Variants in DCC observed in about 807,000 individuals in gnomAD.
DCC encodes the protein DCC netrin 1 receptor, also known as netrin receptor DCC.
Under a neutral mutation model 172.5 loss-of-function variants are expected in DCC, and 58 were observed. The ratio of observed to expected loss-of-function variants is 0.34; its 90% CI spans 0.27 to 0.42. The LOEUF is 0.42. Among genes scored for constraint, DCC ranks in the 10% least tolerant of loss-of-function variants. The probability of loss-of-function intolerance (pLI) is 1.00; values close to 1 mark genes in which losing one functional copy is unlikely to be tolerated. For missense variants in DCC, 1,740 were observed against 1,791.0 expected, an observed-to-expected ratio of 0.97 and a Z score of 0.51; for synonymous variants, 709 against 644.5, an observed-to-expected ratio of 1.10 and a Z score of -1.52.
intron 8 of DCC, among the ~76,000 whole-genome samples, chr18:53,159,367 A>G (rs1358396360): frequency 1.3e-5 from 2 of 152,168 alleles, no homozygotes; most frequent in Non-Finnish European, 2.9e-5. Flanking sequence ...GCCTCCCAAC[A>G]CTACCATTCC....
At chr18:53,316,698 G>C (rs2057347868) in intron 13 of DCC, among the ~76,000 whole-genome samples, 1 of 152,006 alleles carries the variant, frequency 6.6e-6, no homozygotes, top group African/African-American at 2.4e-5. Flanking sequence ...GTATTCCTAG[G>C]TATTTTATTC....
intron 1 of DCC, among the ~76,000 whole-genome samples, chr18:52,721,716 C>T (rs2036476157): frequency 6.6e-6 from 1 of 152,074 alleles, no homozygotes; most frequent in South Asian, 2.1e-4. Context: ...AGAGGTACCC[C>T]AAATCACTTT....
At chr18:52,457,371 A>G (rs1387112329) in intron 1 of DCC, among the ~76,000 whole-genome samples, 1 of 152,186 alleles carries the variant, frequency 6.6e-6, no homozygotes, top group Non-Finnish European at 1.5e-5. Flanking sequence ...GTGCACAGAA[A>G]ATATCTTTAT....
At chr18:52,565,611 A>G (rs1199044114) in intron 1 of DCC, among the ~76,000 whole-genome samples, 1 of 152,056 alleles carries the variant, frequency 6.6e-6, no homozygotes, top group Non-Finnish European at 1.5e-5. Flanking sequence ...GCTCTTTTTC[A>G]TATGTTTGTT....
intron 5 of DCC, among the ~76,000 whole-genome samples, chr18:52,957,906 T>A (rs1416392199): frequency 6.6e-6 from 1 of 152,162 alleles, no homozygotes; most frequent in Non-Finnish European, 1.5e-5. Flanking sequence ...AAGGAAGTAA[T>A]ATGTTCAGAT....
intron 8 of DCC, among the ~76,000 whole-genome samples, chr18:53,166,401 A>T (rs537247399): frequency 6.6e-6 from 1 of 152,178 alleles, no homozygotes; most frequent in Non-Finnish European, 1.5e-5. Flanking sequence ...GATATGTATC[A>T]GGAATGTGTC....
chr18:52,473,180 T>C (rs1988995356), intron 1 of DCC, among the ~76,000 whole-genome samples: 1 of 152,100 alleles, frequency 6.6e-6, no homozygotes, highest in African/African-American at 2.4e-5. Context: ...GAACTAGGAG[T>C]CAAAACAGGC....
intron 1 of DCC, among the ~76,000 whole-genome samples, chr18:52,385,791 G>A (rs1416419491): frequency 2.6e-5 from 4 of 152,000 alleles, no homozygotes; most frequent in Non-Finnish European, 5.9e-5. Context: ...CATCTGTAAG[G>A]TTTTTTAAAA....
chr18:53,114,236 CA>C (rs2043377573), intron 7 of DCC, among the ~76,000 whole-genome samples: 1 of 148,776 alleles, frequency 6.7e-6, no homozygotes, highest in Admixed American at 6.7e-5. Flanking sequence ...AAATTGTACC[CA>C]TTTTTAATGA....
At chr18:53,204,784 C>T (rs930447428) in intron 9 of DCC, among the ~76,000 whole-genome samples, 1 of 152,118 alleles carries the variant, frequency 6.6e-6, no homozygotes, top group Non-Finnish European at 1.5e-5. Flanking sequence ...GCTGTGCGAC[C>T]TATTTTAATT....
At chr18:53,126,891 A>C (rs2043564950) in intron 7 of DCC, among the ~76,000 whole-genome samples, 2 of 152,146 alleles carry the variant, frequency 1.3e-5, no homozygotes, top group Non-Finnish European at 2.9e-5. Context: ...TATGCTGTCT[A>C]CTTCAGAATT....
At chr18:53,511,910 G>C (rs2046259755) in intron 27 of DCC, among the ~76,000 whole-genome samples, 1 of 152,216 alleles carries the variant, frequency 6.6e-6, no homozygotes, top group African/African-American at 2.4e-5. Context: ...CCATTGCCCA[G>C]GCTTGCTTAG....
intron 12 of DCC, among the ~76,000 whole-genome samples, chr18:53,262,126 G>T (rs949085986): frequency 6.6e-6 from 1 of 152,156 alleles, no homozygotes; most frequent in Non-Finnish European, 1.5e-5. Context: ...AATCTTAGAG[G>T]CTTTCCTGGA....
chr18:52,365,748 G>A (rs1254646834), intron 1 of DCC, among the ~76,000 whole-genome samples: 1 of 152,166 alleles, frequency 6.6e-6, no homozygotes, highest in Non-Finnish European at 1.5e-5. Context: ...GAATTATTCT[G>A]TAAAGGGTCA....
chr18:53,048,370 T>A (rs1245454288), intron 5 of DCC, among the ~76,000 whole-genome samples: 1 of 151,814 alleles, frequency 6.6e-6, no homozygotes, highest in South Asian at 2.1e-4. Flanking sequence ...AGTGAGAACA[T>A]GTGGTATTTG....
At chr18:52,860,487 A>T (rs1391632896) in intron 2 of DCC, among the ~76,000 whole-genome samples, 1 of 152,192 alleles carries the variant, frequency 6.6e-6, no homozygotes, top group Non-Finnish European at 1.5e-5. Context: ...AAATAAAAAA[A>T]CCTCCAAAAC....
At chr18:52,597,858 C>T (rs1242999405) in intron 1 of DCC, among the ~76,000 whole-genome samples, 1 of 152,148 alleles carries the variant, frequency 6.6e-6, no homozygotes, top group Non-Finnish European at 1.5e-5. Context: ...AGCTCATTTG[C>T]AAGGTAGAGA....
At chr18:53,479,801 A>C (rs955819251) in intron 25 of DCC, among the ~76,000 whole-genome samples, 5 of 152,214 alleles carry the variant, frequency 3.3e-5, no homozygotes, top group African/African-American at 9.6e-5. Flanking sequence ...AGATTACCTA[A>C]TTATTTCTTA....
At position 53,128,502 on chromosome 18, in the gene DCC, T is replaced by C. The variant is rs540111307; in HGVS notation, c.1262-28854T>C. ...TGACATCTGAGGATGGGCTATCAGC[T>C]TTCAGCATTTGCAAACCATTTCTTC... On this transcript the variant is annotated intron_variant, in intron 7 of 28. Transcript: ENST00000442544. Among the ~76,000 whole-genome samples the C allele has an allele frequency of 3.9e-5, 6 of 152,194 alleles. No homozygotes were observed. In the South Asian group the frequency reaches 8.3e-4, roughly 21 times the overall value.
Sources: allele counts gnomAD v4.1 joint callset (sites outside exome capture counted in the v4.1 genomes callset), GRCh38; gene constraint gnomAD v4.1.1; transcripts MANE v1.5; gene names NCBI Gene and HGNC (gene_info 2026-07-23, HGNC 2026-07-21).